MBD5: variants seen among roughly 807,000 people sequenced by gnomAD.
MBD5 encodes methyl-CpG binding domain protein 5.
MBD5 carries 13 observed loss-of-function variants against 117.3 expected under a neutral mutation model. The ratio of observed to expected loss-of-function variants is 0.11; its 90% CI spans 0.07 to 0.18. MBD5 has a LOEUF of 0.18. Among genes scored for constraint, MBD5 ranks in the 10% least tolerant of loss-of-function variants. MBD5 has a pLI of 1.00. For synonymous variants in MBD5, 727 were observed against 766.4 expected, an observed-to-expected ratio of 0.95 and a Z score of 0.85; for missense variants, 1,879 against 2,093.8, an observed-to-expected ratio of 0.90 and a Z score of 2.00.
intron 1 of MBD5, among the ~76,000 whole-genome samples, chr2:148,063,711 C>G (rs908023430): frequency 2.6e-5 from 4 of 151,974 alleles, no homozygotes; most frequent in Non-Finnish European, 5.9e-5. Flanking sequence ...CCTTTCCCAC[C>G]ACTGTACAAT....
chr2:148,126,548 G>C (rs1366248449), intron 1 of MBD5, among the ~76,000 whole-genome samples: 1 of 152,004 alleles, frequency 6.6e-6, no homozygotes, highest in African/African-American at 2.4e-5. Flanking sequence ...TTTCTCCCAG[G>C]TGTTCCCCTT....
At chr2:148,498,908 G>A (rs932121997) in intron 11 of MBD5, among the ~76,000 whole-genome samples, 4 of 152,170 alleles carry the variant, frequency 2.6e-5, no homozygotes, top group Admixed American at 2.0e-4. Context: ...TTATGAATAT[G>A]TTTCTATCCG....
At chr2:148,094,193 G>A (rs576947180) in intron 1 of MBD5, among the ~76,000 whole-genome samples, 9 of 152,242 alleles carry the variant, frequency 5.9e-5, no homozygotes, top group African/African-American at 2.2e-4. Flanking sequence ...TGTATGTTGA[G>A]ACCTTGTTTT....
chr2:148,223,424 T>G (rs190396806), intron 2 of MBD5, among the ~76,000 whole-genome samples: 6 of 152,270 alleles, frequency 3.9e-5, no homozygotes, highest in African/African-American at 1.4e-4. Context: ...TTATTACAGC[T>G]TCAATCTCAT....
intron 1 of MBD5, among the ~76,000 whole-genome samples, chr2:148,170,675 A>G (rs1484441544): frequency 6.6e-6 from 1 of 152,242 alleles, no homozygotes; most frequent in African/African-American, 2.4e-5. Flanking sequence ...TATGAAAACA[A>G]TCACTGTTAA....
chr2:148,306,436 C>G lies in MBD5; in HGVS notation c.-679-35778C>G, dbSNP rs555810671. ...AATCAATGTTTCCAGCTCTGTCCTG[C>G]TATAATAAAAACATATTTTATTGAA... is the stretch of plus-strand genomic sequence containing the variant. On this transcript the variant is annotated intron_variant, in intron 3 of 13. Transcript: ENST00000642680. 8.5e-5 allele frequency among the ~76,000 whole-genome samples: 13 copies of G among 152,168 alleles called. No homozygotes were observed. The South Asian group carries it at 2.7e-3, about 32-fold the overall frequency.
chr2:148,214,450 G>T (rs1215735590), intron 2 of MBD5, among the ~76,000 whole-genome samples: 1 of 152,152 alleles, frequency 6.6e-6, no homozygotes, highest in Admixed American at 6.5e-5. Flanking sequence ...TAGCAGATTG[G>T]ACTTACTCCA....
Position 148,314,376 on chromosome 2 carries a change from G to GTTTTT in MBD5, c.-679-27823_-679-27819dup, listed in dbSNP as rs67471940. 1.3e-3 allele frequency among the ~76,000 whole-genome samples: 136 copies of GTTTTT among 106,594 alleles called. 8 individuals are homozygous for GTTTTT. Among genetic ancestry groups the GTTTTT allele is most frequent in the Admixed American group, 1.9e-3 (17 of 8,898 alleles). 69.9% of individuals were successfully genotyped at this position (106,594 alleles called of 152,430 possible). A position where few individuals can be genotyped will look rare whatever the true frequency, so the allele number is the denominator to read the frequency against. ...CAGCAATTAATGTTTCAGTGTTATGGTTTTTTTTTTTTTTTTTTTGAGACA... is the reference window on the plus strand; with the variant it reads ...CAGCAATTAATGTTTCAGTGTTATGGTTTTTTTTTTTTTTTTTTTTTTTTGAGACA... On this transcript the variant is annotated intron_variant, in intron 3 of 13. Coordinates refer to ENST00000642680, the MANE Select transcript of MBD5 (RefSeq NM_001378120.1).
At chr2:148,511,461 C>T (rs1029939716) in intron 13 of MBD5, among the ~76,000 whole-genome samples, 2 of 152,238 alleles carry the variant, frequency 1.3e-5, no homozygotes, top group African/African-American at 4.8e-5. Flanking sequence ...GTCATGTGCT[C>T]TCTCCAGAAG....
At chr2:148,026,579 G>C (rs753736530) in intron 1 of MBD5, 10 of 152,034 alleles carry the variant, frequency 6.6e-5, no homozygotes, top group Admixed American at 6.6e-4. Flanking sequence ...AGGCTGCAGC[G>C]AACTATGCAA....
At chr2:148,170,700 A>T (rs1698243808) in intron 1 of MBD5, among the ~76,000 whole-genome samples, 1 of 152,220 alleles carries the variant, frequency 6.6e-6, no homozygotes, top group Non-Finnish European at 1.5e-5. Context: ...TTATGATTTG[A>T]TATAATCCAA....
intron 1 of MBD5, among the ~76,000 whole-genome samples, chr2:148,153,941 G>A (rs1356136503): frequency 1.9e-4 from 23 of 123,566 alleles, no homozygotes; most frequent in African/African-American, 6.4e-4. Context: ...CTCTCAGCTC[G>A]TCAAAGTCAT....
At chr2:148,463,379 T>A (rs1375042794) in intron 6 of MBD5, among the ~76,000 whole-genome samples, 2 of 152,194 alleles carry the variant, frequency 1.3e-5, no homozygotes, top group Non-Finnish European at 2.9e-5. Flanking sequence ...AAAAAGTTAA[T>A]ATGTAGAAAT....
At chr2:148,335,439 G>C (rs1055277797) in intron 3 of MBD5, among the ~76,000 whole-genome samples, 1 of 152,030 alleles carries the variant, frequency 6.6e-6, no homozygotes, top group Non-Finnish European at 1.5e-5. Flanking sequence ...TTAAGGAAAG[G>C]CTGAGCATGG....
chr2:148,187,674 C>T (rs1698699056), intron 2 of MBD5, among the ~76,000 whole-genome samples: 1 of 151,632 alleles, frequency 6.6e-6, no homozygotes, highest in Non-Finnish European at 1.5e-5. Flanking sequence ...GACTTATAAA[C>T]CTTAAATTCT....
At position 148,093,969 on chromosome 2, in the gene MBD5, A is replaced by G. The variant is rs200799443; in HGVS notation, c.-925+72285A>G. ...TATTGTGTATTTGTTATCATATTTCATTTTCATAACAATTCTTGGAGAAAC... is the reference window on the plus strand; with the variant it reads ...TATTGTGTATTTGTTATCATATTTCGTTTTCATAACAATTCTTGGAGAAAC... On this transcript the variant is annotated intron_variant, in intron 1 of 13. Transcript: ENST00000642680. 1.6e-4 allele frequency among the ~76,000 whole-genome samples: 25 copies of G among 152,282 alleles called. No individual in the cohort carries two copies. The East Asian group carries it at 4.4e-3, about 27-fold the overall frequency.
intron 1 of MBD5, among the ~76,000 whole-genome samples, chr2:148,036,167 C>A (rs1234417): frequency 0.14 from 20,641 of 152,066 alleles, 1,697 homozygotes; most frequent in Middle Eastern, 0.21. Flanking sequence ...GGAAAAATAT[C>A]TTTGTTGTTT....
rs147951532 is a variant in MBD5 at position 148,442,144 on chromosome 2, C to T, written c.-556-16059C>T. On this transcript the variant is annotated intron_variant, in intron 4 of 13. Coordinates refer to ENST00000642680, the MANE Select transcript of MBD5 (RefSeq NM_001378120.1). ...ATTTGTCAATTTTGGCTTTTGTTGC[C>T]ATTGCTTTTGGTGTTTTAGACCTGA... Among the ~76,000 whole-genome samples the T allele has an allele frequency of 2.0e-4, 31 of 151,604 alleles. 1 individual carries two copies. Among genetic ancestry groups the T allele is most frequent in the African/African-American group, 7.3e-4 (30 of 41,002 alleles).
chr2:148,459,699 G>C (rs1041211546), intron 5 of MBD5, among the ~76,000 whole-genome samples: 7 of 152,086 alleles, frequency 4.6e-5, no homozygotes, highest in African/African-American at 1.7e-4. Context: ...TTATATCCCA[G>C]CTTCAACAGA....
Sources: gnomAD v4.1 joint callset for allele counts (sites outside exome capture counted in the v4.1 genomes callset) on GRCh38, gnomAD v4.1.1 for gene constraint, MANE v1.5 for transcripts, NCBI Gene and HGNC (gene_info 2026-07-23, HGNC 2026-07-21) for gene names.